The following ATP13A4 variants were observed in gnomAD, a reference collection of about 807,000 sequenced individuals.
ATP13A4 encodes probable cation-transporting ATPase 13A4.
ATP13A4 carries 114 observed loss-of-function variants against 142.5 expected under a neutral mutation model. That is an observed-to-expected ratio of 0.80 (90% CI 0.69 to 0.93). The LOEUF (loss-of-function observed/expected upper bound fraction) is 0.93, where lower values mean the gene tolerates loss of function less well. ATP13A4 is among the 40% of genes least tolerant of loss of function. ATP13A4 has a pLI of 0.00. For synonymous variants in ATP13A4, 488 were observed against 514.8 expected (o/e 0.95, Z 0.70); for missense variants, 1,392 against 1,454.0 (o/e 0.96, Z 0.69).
At chr3:193,451,400 A>G (rs1419530148) in intron 17 of ATP13A4, among the ~76,000 whole-genome samples, 1 of 152,216 alleles carries the variant, frequency 6.6e-6, no homozygotes, top group Non-Finnish European at 1.5e-5. Context: ...AATAATCAGG[A>G]GGCTGGAGTT....
intron 3 of ATP13A4, among the ~76,000 whole-genome samples, chr3:193,495,258 C>T (rs1720161259): frequency 6.6e-6 from 1 of 151,964 alleles, no homozygotes; most frequent in Non-Finnish European, 1.5e-5. Flanking sequence ...AGGTGATATG[C>T]ATCACCCTGA....
At chr3:193,422,383 C>T (rs1715449475) in intron 25 of ATP13A4, among the ~76,000 whole-genome samples, 1 of 149,796 alleles carries the variant, frequency 6.7e-6, no homozygotes, top group African/African-American at 2.5e-5. Flanking sequence ...ATAGACCTAA[C>T]AGACATATAC....
intron 25 of ATP13A4, among the ~76,000 whole-genome samples, chr3:193,415,602 C>T (rs1295950824): frequency 3.3e-5 from 5 of 152,230 alleles, no homozygotes; most frequent in Non-Finnish European, 5.9e-5. Context: ...CAAATTGTTA[C>T]ATATGTCTGT....
chr3:193,404,186 TC>T (rs1438317409), intron 29 of ATP13A4: 2 of 982,828 alleles, frequency 2.0e-6, no homozygotes, highest in Non-Finnish European at 2.4e-6. Flanking sequence ...GGCAGGAGCA[TC>T]GAGTAAAGGT....
intron 8 of ATP13A4, among the ~76,000 whole-genome samples, chr3:193,482,244 C>T (rs771557631): frequency 6.6e-6 from 1 of 151,860 alleles, no homozygotes; most frequent in Non-Finnish European, 1.5e-5. Context: ...TATCTGTTTG[C>T]AAAAGATGAC....
intron 12 of ATP13A4, among the ~76,000 whole-genome samples, 188 bp from the exon 13 acceptor site, chr3:193,463,011 T>A (rs1050120203): frequency 1.3e-5 from 2 of 151,282 alleles, no homozygotes; most frequent in Non-Finnish European, 2.9e-5. Flanking sequence ...AGTGGCCCCA[T>A]AGCGAAGACT....
At chr3:193,446,632 T>C (rs1716970259) in intron 18 of ATP13A4, among the ~76,000 whole-genome samples, 1 of 152,202 alleles carries the variant, frequency 6.6e-6, no homozygotes, top group Non-Finnish European at 1.5e-5. Flanking sequence ...TTTTATCATA[T>C]GTATAACATT....
At chr3:193,577,421 T>C (rs1308781152) in intron 2 of ATP13A4, among the ~76,000 whole-genome samples, 1 of 152,220 alleles carries the variant, frequency 6.6e-6, no homozygotes, top group Non-Finnish European at 1.5e-5. Context: ...TCTCTTTATC[T>C]AAATCTCACA....
intron 3 of ATP13A4, among the ~76,000 whole-genome samples, chr3:193,493,944 A>G (rs1720086761): frequency 2.0e-5 from 3 of 152,248 alleles, no homozygotes; most frequent in African/African-American, 4.8e-5. Flanking sequence ...AAAGAATGGA[A>G]GAAGACATTC....
At chr3:193,495,333 G>C (rs1457578992) in intron 3 of ATP13A4, among the ~76,000 whole-genome samples, 2 of 151,992 alleles carry the variant, frequency 1.3e-5, no homozygotes. Context: ...GACAAACCTA[G>C]AAGCAAAAAT....
Position 193,433,925 on chromosome 3 carries a change from T to G in ATP13A4, c.2770-8A>C. ...TGAAAGGCTGTTTGTCTCCTGAAAA[T>G]AAAAAGAAAGCAGATCAAAAAAGTT... On this transcript the variant is annotated splice_polypyrimidine_tract_variant and splice_region_variant and intron_variant, in intron 24 of 29. Transcript: ENST00000342695. 1 of 1,611,842 alleles carries G rather than the reference T, an allele frequency of 6.2e-7. No homozygotes were observed. The highest frequency in any genetic ancestry group is 8.5e-7 in the Non-Finnish European group (1 of 1,177,992).
At chr3:193,501,587 TAA>T (rs149104526) in intron 3 of ATP13A4, among the ~76,000 whole-genome samples, 39 of 125,888 alleles carry the variant, frequency 3.1e-4, no homozygotes, top group Middle Eastern at 4.2e-3. Flanking sequence ...AAACTCCATT[TAA>T]AAAAAAAAAA....
At chr3:193,492,669 C>T (rs2108665872) in intron 5 of ATP13A4, among the ~76,000 whole-genome samples, 1 of 152,204 alleles carries the variant, frequency 6.6e-6, no homozygotes, top group Non-Finnish European at 1.5e-5. Context: ...GGCCATGAAA[C>T]CCCTCTGAGC....
At chr3:193,533,304 G>T (rs1722425628) in intron 1 of ATP13A4, among the ~76,000 whole-genome samples, 1 of 152,010 alleles carries the variant, frequency 6.6e-6, no homozygotes, top group Admixed American at 6.6e-5. Context: ...TTCTCTCAAT[G>T]AGTTCAACTG....
chr3:193,507,737 T>C (rs752735290), intron 2 of ATP13A4, among the ~76,000 whole-genome samples: 5 of 152,128 alleles, frequency 3.3e-5, no homozygotes, highest in Non-Finnish European at 5.9e-5. Context: ...TCTGGAGATA[T>C]AGTGTGTAGT....
intron 28 of ATP13A4, among the ~76,000 whole-genome samples, chr3:193,410,612 G>A (rs547111442): frequency 2.6e-4 from 39 of 152,058 alleles, no homozygotes; most frequent in Non-Finnish European, 4.3e-4. Flanking sequence ...CTAGCTACTC[G>A]GGAGGCTGAA....
At chr3:193,586,630 G>A (rs1370636280) in intron 1 of ATP13A4, among the ~76,000 whole-genome samples, 1 of 152,150 alleles carries the variant, frequency 6.6e-6, no homozygotes, top group African/African-American at 2.4e-5. Context: ...TTTTTTCACT[G>A]TTGAATTGTT....
chr3:193,400,819 C>T lies in ATP13A4; in HGVS notation c.*1833G>A, dbSNP rs1178518985. On this transcript the variant is annotated 3_prime_UTR_variant, in exon 30 of 30. Transcript: ENST00000342695. ...ATCTTGCTCATGACTAGGTCACAGA[C>T]CATCTCTAGCTTGCCCCTGCCTACA... 1.3e-5 allele frequency among the ~76,000 whole-genome samples: 2 copies of T among 152,170 alleles called. No homozygotes were observed. Among genetic ancestry groups the T allele is most frequent in the African/African-American group, 4.8e-5 (2 of 41,416 alleles).
At chr3:193,477,528 A>G (rs1487653019) in intron 8 of ATP13A4, among the ~76,000 whole-genome samples, 1 of 152,136 alleles carries the variant, frequency 6.6e-6, no homozygotes, top group African/African-American at 2.4e-5. Flanking sequence ...AATAAAAAGG[A>G]TGAGAATTAT....
Sources: gnomAD v4.1 joint callset for allele counts (sites outside exome capture counted in the v4.1 genomes callset) on GRCh38, gnomAD v4.1.1 for gene constraint, MANE v1.5 for transcripts, NCBI Gene and HGNC (gene_info 2026-07-23, HGNC 2026-07-21) for gene names.